The following LUZP2 variants were observed in gnomAD, a reference collection of about 807,000 sequenced individuals.
LUZP2 encodes leucine zipper protein 2.
A neutral mutation model predicts 51.6 loss-of-function variants in LUZP2; 52 were observed. That is an observed-to-expected ratio of 1.01 (90% CI 0.81 to 1.27). The LOEUF (loss-of-function observed/expected upper bound fraction) is 1.27. Ranked by LOEUF, LUZP2 falls within the 50% of genes most tolerant of loss-of-function variation. LUZP2 has a pLI of 0.00. For synonymous variants in LUZP2, 154 were observed against 137.3 expected (o/e 1.12, Z -0.85); for missense variants, 436 against 395.4 (o/e 1.10, Z -0.87).
chr11:24,740,754 C>T (rs1317987194), intron 4 of LUZP2, among the ~76,000 whole-genome samples: 1 of 152,056 alleles, frequency 6.6e-6, no homozygotes, highest in South Asian at 2.1e-4. Flanking sequence ...TCTGCACTTC[C>T]CATTTTAATT....
chr11:25,049,204 C>G (rs1373872799), intron 9 of LUZP2, among the ~76,000 whole-genome samples: 1 of 152,102 alleles, frequency 6.6e-6, no homozygotes, highest in African/African-American at 2.4e-5. Flanking sequence ...TTCTTCCTCT[C>G]CTGTGAAGCA....
intron 10 of LUZP2, among the ~76,000 whole-genome samples, chr11:25,064,698 C>G (rs1479566725): frequency 2.0e-5 from 3 of 151,870 alleles, no homozygotes; most frequent in Admixed American, 2.0e-4. Context: ...ATTTCCAGTT[C>G]ATTTGATTTT....
intron 1 of LUZP2, among the ~76,000 whole-genome samples, chr11:24,519,609 A>G (rs1590129903): frequency 1.3e-5 from 2 of 152,076 alleles, no homozygotes; most frequent in Admixed American, 6.5e-5. Context: ...TTCGCCTTTC[A>G]TCCAGGATAC....
intron 1 of LUZP2, among the ~76,000 whole-genome samples, chr11:24,515,847 T>C (rs1350966324): frequency 6.6e-6 from 1 of 152,180 alleles, no homozygotes; most frequent in African/African-American, 2.4e-5. Context: ...GCTCCAGAGC[T>C]CCCCTAGGGA....
intron 1 of LUZP2, among the ~76,000 whole-genome samples, chr11:24,660,469 A>G (rs1378106772): frequency 6.6e-6 from 1 of 151,952 alleles, no homozygotes; most frequent in Non-Finnish European, 1.5e-5. Flanking sequence ...TTTTGATGGA[A>G]AAAAATACCA....
intron 4 of LUZP2, among the ~76,000 whole-genome samples, chr11:24,745,146 G>A (rs1314057027): frequency 6.6e-6 from 1 of 152,128 alleles, no homozygotes; most frequent in Non-Finnish European, 1.5e-5. Context: ...CTATCTTGGA[G>A]AAAGTTGCAT....
At chr11:24,666,228 G>A (rs1856208100) in intron 1 of LUZP2, among the ~76,000 whole-genome samples, 1 of 152,058 alleles carries the variant, frequency 6.6e-6, no homozygotes, top group East Asian at 1.9e-4. Context: ...TCGATCAATG[G>A]GAACTATCAA....
chr11:24,534,784 G>A (rs1410027918), intron 1 of LUZP2, among the ~76,000 whole-genome samples: 1 of 151,406 alleles, frequency 6.6e-6, no homozygotes, highest in African/African-American at 2.4e-5. Flanking sequence ...ACCTTCTTTA[G>A]TTGTTTTGAA....
At chr11:24,511,699 G>A (rs551360644) in intron 1 of LUZP2, among the ~76,000 whole-genome samples, 1 of 152,150 alleles carries the variant, frequency 6.6e-6, no homozygotes, top group Non-Finnish European at 1.5e-5. Context: ...GATTTATATT[G>A]TGGTTTAGAC....
intron 1 of LUZP2, among the ~76,000 whole-genome samples, chr11:24,569,312 CAAAAT>C (rs1399885319): frequency 1.3e-5 from 2 of 152,038 alleles, no homozygotes; most frequent in Non-Finnish European, 2.9e-5. Context: ...AGCAGGAACT[CAAAAT>C]AAAAATGGTA....
chr11:25,044,764 G>A (rs1858238929), intron 9 of LUZP2, among the ~76,000 whole-genome samples: 1 of 151,778 alleles, frequency 6.6e-6, no homozygotes, highest in African/African-American at 2.4e-5. Flanking sequence ...GCGCACGTAT[G>A]TTTATTGCGG....
At chr11:24,500,359 A>G (rs1349119186) in intron 1 of LUZP2, among the ~76,000 whole-genome samples, 1 of 152,236 alleles carries the variant, frequency 6.6e-6, no homozygotes, top group Non-Finnish European at 1.5e-5. Context: ...TAACTAATAC[A>G]GAAACTCATT....
At chr11:24,822,106 T>G (rs935509581) in intron 5 of LUZP2, among the ~76,000 whole-genome samples, 3 of 152,116 alleles carry the variant, frequency 2.0e-5, no homozygotes, top group Middle Eastern at 3.4e-3. Context: ...TAAAAGCATG[T>G]ACAGATGCTT....
intron 1 of LUZP2, among the ~76,000 whole-genome samples, chr11:24,518,242 G>C (rs1248300487): frequency 6.6e-6 from 1 of 152,130 alleles, no homozygotes; most frequent in Admixed American, 6.5e-5. Flanking sequence ...TAAGTTAAGA[G>C]ACTTGCTTCA....
At chr11:24,986,449 T>G (rs1358750070) in intron 9 of LUZP2, among the ~76,000 whole-genome samples, 1 of 151,360 alleles carries the variant, frequency 6.6e-6, no homozygotes, top group Non-Finnish European at 1.5e-5. Context: ...GTTATCAGAT[T>G]GAAATTGGTA....
intron 1 of LUZP2, among the ~76,000 whole-genome samples, chr11:24,593,975 G>A (rs1162653453): frequency 6.6e-6 from 1 of 152,172 alleles, no homozygotes; most frequent in East Asian, 1.9e-4. Flanking sequence ...GATTTAAATA[G>A]AATTACATTG....
intron 7 of LUZP2, among the ~76,000 whole-genome samples, chr11:24,971,692 G>A (rs1196232040): frequency 6.6e-6 from 1 of 152,008 alleles, no homozygotes; most frequent in Non-Finnish European, 1.5e-5. Context: ...ATTTAATCCA[G>A]TACCTAATCC....
intron 1 of LUZP2, among the ~76,000 whole-genome samples, chr11:24,702,559 C>T (rs1455909717): frequency 6.6e-6 from 1 of 152,052 alleles, no homozygotes; most frequent in Non-Finnish European, 1.5e-5. Context: ...AGAGCAGGAA[C>T]CAGAGACAGA....
chr11:25,044,523 G>A (rs947498681), intron 9 of LUZP2, among the ~76,000 whole-genome samples: 1 of 151,858 alleles, frequency 6.6e-6, no homozygotes, highest in Non-Finnish European at 1.5e-5. Flanking sequence ...TTATGTGTTT[G>A]TATTTAAAAA....
Sources: gnomAD v4.1 joint callset for allele counts (sites outside exome capture counted in the v4.1 genomes callset) on GRCh38, gnomAD v4.1.1 for gene constraint, MANE v1.5 for transcripts, NCBI Gene and HGNC (gene_info 2026-07-23, HGNC 2026-07-21) for gene names.